TSGA10: variants seen among roughly 807,000 people sequenced by gnomAD.
TSGA10 encodes the protein testis specific 10.
A neutral mutation model predicts 96.6 loss-of-function variants in TSGA10; 43 were observed. The ratio of observed to expected loss-of-function variants is 0.44; its 90% confidence interval spans 0.35 to 0.57. TSGA10 has a LOEUF of 0.57. Ranked by LOEUF, TSGA10 falls within the 20% of genes least tolerant of loss-of-function variation. TSGA10 has a pLI of 0.01. For missense variants in TSGA10, 703 were observed against 834.4 expected, an observed-to-expected ratio of 0.84 and a Z score of 1.94; for synonymous variants, 229 against 269.9, an observed-to-expected ratio of 0.85 and a Z score of 1.48.
At chr2:99,022,324 C>CAAAAAAAAAAAAAAAAAA (rs56381088) in intron 17 of TSGA10, among the ~76,000 whole-genome samples, 1 of 43,910 alleles carries the variant, frequency 2.3e-5, no homozygotes, top group Non-Finnish European at 4.6e-5. Flanking sequence ...GACCCTGTCT[C>CAAAAAAAAAAAAAAAAAA]AAAAAAAAAA....
intron 16 of TSGA10, among the ~76,000 whole-genome samples, chr2:99,059,080 T>A (rs760815357): frequency 0.016 from 873 of 54,328 alleles, 5 homozygotes; most frequent in African/African-American, 0.14. Context: ...TTATATATTT[T>A]TATATATATA....
chr2:99,080,055 A>G (rs973098132), intron 11 of TSGA10, among the ~76,000 whole-genome samples: 3 of 152,176 alleles, frequency 2.0e-5, no homozygotes, highest in Non-Finnish European at 4.4e-5. Flanking sequence ...TAAAAAAATT[A>G]TCAACCTAAC....
At chr2:99,082,264 G>A (rs976997957) in intron 10 of TSGA10, among the ~76,000 whole-genome samples, 2 of 151,948 alleles carry the variant, frequency 1.3e-5, no homozygotes, top group South Asian at 2.1e-4. Context: ...ACCTGGTTCC[G>A]TTGCTTTTTT....
At chr2:99,122,111 T>C (rs983846254) in intron 2 of TSGA10, among the ~76,000 whole-genome samples, 13 of 152,246 alleles carry the variant, frequency 8.5e-5, no homozygotes, top group African/African-American at 3.1e-4. Flanking sequence ...CTCTGTTCTG[T>C]ACCATTCATG....
At chr2:99,116,177 T>A (rs962285545) in intron 4 of TSGA10, among the ~76,000 whole-genome samples, 1 of 152,196 alleles carries the variant, frequency 6.6e-6, no homozygotes, top group Non-Finnish European at 1.5e-5. Flanking sequence ...TGGTGATTAA[T>A]AAAATCAAGA....
intron 20 of TSGA10, among the ~76,000 whole-genome samples, chr2:99,013,183 A>G (rs888981256): frequency 1.3e-5 from 2 of 152,102 alleles, no homozygotes; most frequent in African/African-American, 4.8e-5. Context: ...TTTTCTTAGT[A>G]CTACTTTTGG....
At chr2:99,018,506 G>A (rs750562296) in intron 19 of TSGA10, 30 bp downstream of exon 19, 40 of 1,602,612 alleles carry the variant, frequency 2.5e-5, no homozygotes, top group Non-Finnish European at 3.3e-5. Context: ...GAAAAGCATT[G>A]TTTTTGAGCT....
intron 20 of TSGA10, among the ~76,000 whole-genome samples, chr2:99,002,010 T>C (rs1019401775): frequency 2.0e-5 from 3 of 152,172 alleles, no homozygotes; most frequent in African/African-American, 7.2e-5. Flanking sequence ...CTACATCTGA[T>C]TGGTGTACCT....
At chr2:99,000,757 G>A (rs140431665) in intron 20 of TSGA10, among the ~76,000 whole-genome samples, 1,634 of 152,162 alleles carry the variant, frequency 0.011, 9 homozygotes, top group Middle Eastern at 0.027. Flanking sequence ...CTAGTGCTCG[G>A]GACACTCCCA....
chr2:99,000,510 T>TA (rs71013451), intron 20 of TSGA10, among the ~76,000 whole-genome samples: 283 of 124,404 alleles, frequency 2.3e-3, no homozygotes, highest in South Asian at 3.7e-3. Flanking sequence ...AACTCTGACT[T>TA]AAAAAAAAAA....
intron 16 of TSGA10, among the ~76,000 whole-genome samples, chr2:99,040,721 C>CCTATCAAAAT (rs1442426264): frequency 1.3e-5 from 2 of 151,626 alleles, no homozygotes; most frequent in African/African-American, 4.8e-5. Context: ...CAAGGCAATT[C>CCTATCAAAAT]CTATCAAAAT....
intron 20 of TSGA10, among the ~76,000 whole-genome samples, chr2:99,000,059 T>C (rs2077753524): frequency 6.6e-6 from 1 of 152,160 alleles, no homozygotes; most frequent in Non-Finnish European, 1.5e-5. Flanking sequence ...CCCAGTGTAA[T>C]TCACCTATTT....
intron 1 of TSGA10, chr2:99,150,884 G>T: frequency 3.2e-6 from 4 of 1,250,458 alleles, no homozygotes; most frequent in Non-Finnish European, 3.4e-6. Flanking sequence ...TTTGACTAAG[G>T]GGGGTGTTGA....
chr2:99,127,160 T>C lies in TSGA10; in HGVS notation c.-604A>G. 7.8e-7 allele frequency: 1 copy of C among 1,287,722 alleles called. No homozygotes were observed. Among genetic ancestry groups the C allele is most frequent in the South Asian group, 1.2e-5 (1 of 80,368 alleles). 79.8% of individuals were successfully genotyped at this position (1,287,722 alleles called of 1,614,324 possible). Reference sequence around the variant, plus strand: ...AACTGGAGCCCCTAGACCAAAATCATATTCTTTGGTGGTAACCTAGTACAA... The same window carrying C: ...AACTGGAGCCCCTAGACCAAAATCACATTCTTTGGTGGTAACCTAGTACAA... On this transcript the variant is annotated 5_prime_UTR_variant, in exon 2 of 21. In the 5' UTR this introduces an upstream ATG that the reference lacks. Transcript: ENST00000393483.
intron 1 of TSGA10, among the ~76,000 whole-genome samples, chr2:99,132,761 C>G (rs1196630740): frequency 6.6e-6 from 1 of 152,130 alleles, no homozygotes; most frequent in East Asian, 1.9e-4. Flanking sequence ...ATAAATTTCC[C>G]TCTACACACT....
chr2:99,112,548 T>C (rs1024205598), intron 4 of TSGA10, among the ~76,000 whole-genome samples: 2 of 151,984 alleles, frequency 1.3e-5, no homozygotes, highest in Non-Finnish European at 2.9e-5. Flanking sequence ...GAAGTCCTCA[T>C]TGAAAGGTGA....
At position 99,147,228 on chromosome 2, in the gene TSGA10, T is replaced by C. The variant is rs2105139506; in HGVS notation, c.-621+7465A>G. On this transcript the variant is annotated intron_variant, in intron 1 of 20. Coordinates refer to ENST00000393483, the MANE Select transcript of TSGA10 (RefSeq NM_025244.4). Reference sequence around the variant, plus strand: ...GTTGCCCAGGCTGGTCTCAAACTGCTGGACTCAAGAGATCTTTCCACCTTG... The same window carrying C: ...GTTGCCCAGGCTGGTCTCAAACTGCCGGACTCAAGAGATCTTTCCACCTTG... 8.8e-6 allele frequency: 4 copies of C among 453,030 alleles called. No homozygotes were observed. In the East Asian group the frequency reaches 1.3e-4, roughly 15 times the overall value. 28.1% of individuals were successfully genotyped at this position (453,030 alleles called of 1,614,324 possible). A position where few individuals can be genotyped will look rare whatever the true frequency, so the allele number is the denominator to read the frequency against.
At chr2:99,132,527 G>C (rs190377351) in intron 1 of TSGA10, among the ~76,000 whole-genome samples, 1 of 150,958 alleles carries the variant, frequency 6.6e-6, no homozygotes, top group Non-Finnish European at 1.5e-5. Flanking sequence ...TCTGGCTAGC[G>C]GTCTATTTTG....
At chr2:99,041,656 C>A (rs760070456) in intron 16 of TSGA10, among the ~76,000 whole-genome samples, 7 of 152,096 alleles carry the variant, frequency 4.6e-5, no homozygotes, top group Non-Finnish European at 7.4e-5. Context: ...TGGATCCTCA[C>A]CTCTCACCTT....
Sources: gnomAD v4.1 joint callset for allele counts (sites outside exome capture counted in the v4.1 genomes callset) on GRCh38, gnomAD v4.1.1 for gene constraint, MANE v1.5 for transcripts, NCBI Gene and HGNC (gene_info 2026-07-23, HGNC 2026-07-21) for gene names.